The following ZNG1B variants were observed in gnomAD, a reference collection of about 807,000 sequenced individuals.
ZNG1B encodes the protein Zn regulated GTPase metalloprotein activator 1B.
chr2:113,488,636 G>GAAATATTCAAT, the ZNG1B span, among the ~76,000 whole-genome samples: 5 of 150,014 alleles, frequency 3.3e-5, no homozygotes, highest in Admixed American at 1.3e-4. Context: ...AGTAAAGGGA[G>GAAATATTCAAT]AAATATTCAA....
At chr2:113,459,556 C>G in the ZNG1B span, among the ~76,000 whole-genome samples, 1 of 151,360 alleles carries the variant, frequency 6.6e-6, no homozygotes, top group South Asian at 2.1e-4. Flanking sequence ...AAAAAAAGTC[C>G]CTGTGATTGT....
the ZNG1B span, chr2:113,469,908 A>G: frequency 6.6e-6 from 1 of 150,984 alleles, no homozygotes; most frequent in Non-Finnish European, 1.5e-5. Flanking sequence ...TGGAATCTAA[A>G]TTTGAAATTA....
At chr2:113,452,096 A>C in the ZNG1B span, among the ~76,000 whole-genome samples, 1 of 152,244 alleles carries the variant, frequency 6.6e-6, no homozygotes, top group African/African-American at 2.4e-5. Context: ...GTCATGGTAA[A>C]GTAATTTCCC....
At chr2:113,469,344 T>C in the ZNG1B span, 1 of 148,792 alleles carries the variant, frequency 6.7e-6, no homozygotes, top group Non-Finnish European at 1.5e-5. Context: ...TTTCGCCACA[T>C]TGGCCAGGTT....
At chr2:113,444,865 C>G in the ZNG1B span, 15 of 1,536,602 alleles carry the variant, frequency 9.8e-6, no homozygotes, top group Non-Finnish European at 1.3e-5. Flanking sequence ...CCTAAGGGTA[C>G]TTTTGTCTTG....
At chr2:113,464,546 T>C in the ZNG1B span, among the ~76,000 whole-genome samples, 1 of 149,846 alleles carries the variant, frequency 6.7e-6, no homozygotes, top group Non-Finnish European at 1.5e-5. Context: ...AAAGCCATAT[T>C]CTATAGTATC....
the ZNG1B span, among the ~76,000 whole-genome samples, chr2:113,461,144 T>G: frequency 6.6e-6 from 1 of 150,652 alleles, no homozygotes; most frequent in Non-Finnish European, 1.5e-5. Flanking sequence ...CCTCCCAGGT[T>G]CAAGCGATTC....
the ZNG1B span, among the ~76,000 whole-genome samples, chr2:113,479,057 A>G: frequency 6.6e-6 from 1 of 151,868 alleles, no homozygotes; most frequent in Non-Finnish European, 1.5e-5. Flanking sequence ...GAGTACCTGG[A>G]AAAAATCAGC....
At chr2:113,453,217 T>C in the ZNG1B span, 2 of 1,585,796 alleles carry the variant, frequency 1.3e-6, no homozygotes, top group South Asian at 2.4e-5. Flanking sequence ...AAAAACAGTT[T>C]TCTTTTATCT....
chr2:113,487,955 C>A, the ZNG1B span, among the ~76,000 whole-genome samples: 3 of 151,974 alleles, frequency 2.0e-5, no homozygotes, highest in Non-Finnish European at 4.4e-5. Flanking sequence ...TTAAATATCT[C>A]ATGTTTTTGG....
At chr2:113,471,306 A>C in the ZNG1B span, among the ~76,000 whole-genome samples, 1 of 152,334 alleles carries the variant, frequency 6.6e-6, no homozygotes, top group East Asian at 1.9e-4. Flanking sequence ...TGTAAATGAT[A>C]GTTAACTTTA....
chr2:113,444,873 T>G, the ZNG1B span: 2 of 1,561,000 alleles, frequency 1.3e-6, no homozygotes, highest in Non-Finnish European at 1.7e-6. Flanking sequence ...TACTTTTGTC[T>G]TGGGTTGTTG....
the ZNG1B span, chr2:113,455,618 T>C: frequency 1.6e-6 from 2 of 1,287,110 alleles, no homozygotes; most frequent in Non-Finnish European, 2.0e-6. Context: ...GTTCCCAATC[T>C]GAGCATATGG....
At chr2:113,470,574 CTTAATAT>C in the ZNG1B span, 1 of 205,686 alleles carries the variant, frequency 4.9e-6, no homozygotes, top group East Asian at 1.5e-4. Flanking sequence ...CCTAGAGTAA[CTTAATAT>C]TTTGTACATT....
At chr2:113,453,062 C>A in the ZNG1B span, 2 of 1,488,192 alleles carry the variant, frequency 1.3e-6, no homozygotes, top group Non-Finnish European at 9.1e-7. Context: ...TTTATCAGGG[C>A]AAATTAAAAC....
the ZNG1B span, chr2:113,471,026 C>T: frequency 1.9e-6 from 3 of 1,569,478 alleles, no homozygotes; most frequent in African/African-American, 1.4e-5. Flanking sequence ...AGTTTTCTTC[C>T]TTTTAGAGTT....
At chr2:113,457,561 A>G in the ZNG1B span, among the ~76,000 whole-genome samples, 1 of 148,778 alleles carries the variant, frequency 6.7e-6, no homozygotes, top group Non-Finnish European at 1.5e-5. Context: ...AGGACACCCT[A>G]TAGCCCTTCA....
At chr2:113,448,152 A>C in the ZNG1B span, among the ~76,000 whole-genome samples, 3 of 152,004 alleles carry the variant, frequency 2.0e-5, no homozygotes, top group South Asian at 6.2e-4. Flanking sequence ...AAGACTTAAA[A>C]GTCAAAGTTA....
the ZNG1B span, among the ~76,000 whole-genome samples, chr2:113,474,193 A>G: frequency 2.0e-5 from 3 of 152,206 alleles, no homozygotes; most frequent in African/African-American, 7.2e-5. Flanking sequence ...CAGAGATTCA[A>G]CTTCTTCCTT....
Sources: allele counts gnomAD v4.1 joint callset (sites outside exome capture counted in the v4.1 genomes callset), GRCh38; gene constraint gnomAD v4.1.1; transcripts MANE v1.5; gene names NCBI Gene and HGNC (gene_info 2026-07-23, HGNC 2026-07-21).